Variants in STXBP5L observed in about 807,000 individuals in gnomAD.
The protein encoded by STXBP5L is syntaxin binding protein 5L.
Under a neutral mutation model 144.5 loss-of-function variants are expected in STXBP5L, and 65 were observed. The ratio of observed to expected loss-of-function variants is 0.45; its 90% confidence interval spans 0.37 to 0.55. STXBP5L has a LOEUF of 0.55. Among genes scored for constraint, STXBP5L ranks in the 20% least tolerant of loss-of-function variants. The probability of loss-of-function intolerance (pLI) is 0.00; values close to 1 mark genes in which losing one functional copy is unlikely to be tolerated. For missense variants in STXBP5L, 1,298 were observed against 1,405.5 expected, an observed-to-expected ratio of 0.92 and a Z score of 1.22; for synonymous variants, 505 against 469.6, an observed-to-expected ratio of 1.08 and a Z score of -0.97.
At chr3:121,094,362 G>C (rs1053440368) in intron 5 of STXBP5L, among the ~76,000 whole-genome samples, 8 of 152,090 alleles carry the variant, frequency 5.3e-5, no homozygotes, top group Non-Finnish European at 1.0e-4. Flanking sequence ...GTCTAATGTT[G>C]ACAGTGGGGT....
chr3:121,018,445 A>G (rs1945297145), intron 3 of STXBP5L, among the ~76,000 whole-genome samples: 1 of 152,052 alleles, frequency 6.6e-6, no homozygotes. Flanking sequence ...ATCTTTGACA[A>G]AGAAACAATG....
At position 121,407,278 on chromosome 3, in the gene STXBP5L, T is replaced by C. The variant is rs1160649801; in HGVS notation, c.2623T>C (p.Phe875Leu). The C allele has an allele frequency of 1.3e-6, 2 of 1,597,342 alleles. No individual in the cohort carries two copies. The change falls in exon 23 of 27, where the codon TTC becomes CTC. Residue 875 changes from phenylalanine (F) to leucine (L), a missense_variant. Transcript: ENST00000471454. ...CTCATTGAAAGGAGCTGTGCTAACA[T>C]TCTCCTGTATGGACCGAATGGGTGG... ...FLSLKGAVLT[F>L]SCMDRMGGLM...
intron 20 of STXBP5L, among the ~76,000 whole-genome samples, chr3:121,352,891 AG>A (rs1182460154): frequency 1.3e-5 from 2 of 152,184 alleles, no homozygotes; most frequent in African/African-American, 2.4e-5. Flanking sequence ...CTTAGCATGA[AG>A]GGCTGTTGAG....
chr3:121,158,489 A>G lies in STXBP5L; in HGVS notation c.877+862A>G, dbSNP rs202057379. ...TGCTGTTTGTCTGCCATTTTTTTGT[A>G]CCATAGTTACATGCTCCATCAGTAA... On this transcript the variant is annotated intron_variant, in intron 9 of 26. Coordinates refer to ENST00000471454, the MANE Select transcript of STXBP5L (RefSeq NM_001308330.2). The G allele has an allele frequency of 4.6e-5, 7 of 152,218 alleles. No individual in the cohort carries two copies. In the East Asian group the frequency reaches 1.3e-3, roughly 29 times the overall value. 9.4% of individuals were successfully genotyped at this position (152,218 alleles called of 1,614,324 possible).
At chr3:121,335,013 A>G (rs2044455217) in intron 20 of STXBP5L, among the ~76,000 whole-genome samples, 1 of 152,212 alleles carries the variant, frequency 6.6e-6, no homozygotes, top group Non-Finnish European at 1.5e-5. Context: ...AGAAAGTCAA[A>G]CAATTCCTGT....
chr3:120,966,941 C>T (rs561558754), intron 3 of STXBP5L, among the ~76,000 whole-genome samples: 5 of 152,262 alleles, frequency 3.3e-5, no homozygotes, highest in African/African-American at 1.2e-4. Context: ...TGTTGAGCTG[C>T]AGTGGGCTCT....
intron 3 of STXBP5L, among the ~76,000 whole-genome samples, chr3:121,027,532 G>A (rs187788320): frequency 7.9e-4 from 120 of 152,128 alleles, no homozygotes; most frequent in African/African-American, 2.6e-3. Context: ...GCTTCTAAAG[G>A]CTGCCTTTGT....
intron 21 of STXBP5L, among the ~76,000 whole-genome samples, chr3:121,379,648 A>G (rs556486595): frequency 6.6e-6 from 1 of 152,144 alleles, no homozygotes; most frequent in Non-Finnish European, 1.5e-5. Flanking sequence ...GGTTTTTTAA[A>G]TATTATGCTA....
At chr3:121,052,417 C>T (rs959331509) in intron 5 of STXBP5L, among the ~76,000 whole-genome samples, 1 of 152,120 alleles carries the variant, frequency 6.6e-6, no homozygotes, top group Non-Finnish European at 1.5e-5. Flanking sequence ...GGGCTTCATC[C>T]CTGGGATGGA....
At chr3:121,190,447 C>G (rs1252253772) in intron 9 of STXBP5L, among the ~76,000 whole-genome samples, 1 of 152,266 alleles carries the variant, frequency 6.6e-6, no homozygotes, top group Non-Finnish European at 1.5e-5. Flanking sequence ...TCTCCTATGT[C>G]TACCCCCTTC....
chr3:121,066,342 G>A (rs2041541319), intron 5 of STXBP5L, among the ~76,000 whole-genome samples: 1 of 146,818 alleles, frequency 6.8e-6, no homozygotes, highest in Non-Finnish European at 1.5e-5. Flanking sequence ...AGTTTATTTT[G>A]CTCTTATTTT....
intron 3 of STXBP5L, 22 bp downstream of exon 3, chr3:120,955,059 T>G (rs1285241925): frequency 6.5e-7 from 1 of 1,541,546 alleles, no homozygotes; most frequent in Non-Finnish European, 9.0e-7. Context: ...TTTTGGTTCA[T>G]TATCTGCCAC....
chr3:121,051,278 A>G (rs1306675044), intron 5 of STXBP5L, among the ~76,000 whole-genome samples: 1 of 152,204 alleles, frequency 6.6e-6, no homozygotes. Flanking sequence ...TCAACAGAAT[A>G]TACATTTTTT....
intron 19 of STXBP5L, among the ~76,000 whole-genome samples, chr3:121,280,848 A>G (rs1395576816): frequency 6.6e-6 from 1 of 151,418 alleles, no homozygotes; most frequent in East Asian, 1.9e-4. Context: ...GGCCGAGGTG[A>G]GAGGATTTCT....
intron 9 of STXBP5L, among the ~76,000 whole-genome samples, chr3:121,175,299 A>G (rs1003876269): frequency 6.6e-6 from 1 of 152,136 alleles, no homozygotes; most frequent in African/African-American, 2.4e-5. Flanking sequence ...AACCATAGCA[A>G]CAATAAACTC....
chr3:121,117,946 G>C (rs2044302273), intron 6 of STXBP5L, among the ~76,000 whole-genome samples: 1 of 151,660 alleles, frequency 6.6e-6, no homozygotes, highest in Admixed American at 6.6e-5. Context: ...TATACCAGGT[G>C]ATAGCATAGA....
intron 2 of STXBP5L, among the ~76,000 whole-genome samples, chr3:120,938,459 A>G (rs1710383718): frequency 6.6e-6 from 1 of 152,214 alleles, no homozygotes; most frequent in African/African-American, 2.4e-5. Flanking sequence ...GAAAGTTAGC[A>G]TATTTTTAAA....
At chr3:121,028,433 T>A (rs1946113499) in intron 3 of STXBP5L, among the ~76,000 whole-genome samples, 1 of 152,080 alleles carries the variant, frequency 6.6e-6, no homozygotes, top group South Asian at 2.1e-4. Flanking sequence ...AATTTTTATG[T>A]AGGTCTTCTT....
At chr3:120,959,435 C>T (rs574009670) in intron 3 of STXBP5L, among the ~76,000 whole-genome samples, 3 of 152,326 alleles carry the variant, frequency 2.0e-5, no homozygotes, top group South Asian at 2.1e-4. Context: ...AAAGATCCCA[C>T]ATTGCCAAGT....
Sources: gnomAD v4.1 joint callset for allele counts (sites outside exome capture counted in the v4.1 genomes callset) on GRCh38, gnomAD v4.1.1 for gene constraint, MANE v1.5 for transcripts, NCBI Gene and HGNC (gene_info 2026-07-23, HGNC 2026-07-21) for gene names.